Variants in TCTN2 observed in about 807,000 individuals in gnomAD.
TCTN2 encodes tectonic-2.
Under a neutral mutation model 83.4 loss-of-function variants are expected in TCTN2, and 66 were observed. The observed-to-expected ratio is 0.79, with a 90% confidence interval of 0.65 to 0.97. The LOEUF is 0.97. Among genes scored for constraint, TCTN2 ranks in the 50% least tolerant of loss-of-function variants. TCTN2 has a pLI of 0.00. For missense variants in TCTN2, 794 were observed against 858.1 expected, an observed-to-expected ratio of 0.93 and a Z score of 0.93; for synonymous variants, 301 against 326.7, an observed-to-expected ratio of 0.92 and a Z score of 0.85.
chr12:123,700,852 G>C (rs987681213), intron 14 of TCTN2, among the ~76,000 whole-genome samples: 5 of 152,214 alleles, frequency 3.3e-5, no homozygotes, highest in Admixed American at 2.0e-4. Flanking sequence ...GGATGCTGAG[G>C]AAAGAGGATC....
intron 5 of TCTN2, among the ~76,000 whole-genome samples, chr12:123,685,907 AT>A (rs1825437503): frequency 6.9e-6 from 1 of 145,302 alleles, no homozygotes; most frequent in Admixed American, 6.9e-5. Context: ...TTTTTTTTTA[AT>A]TTTGTCGGGG....
chr12:123,696,144 G>A (rs1956105586), intron 11 of TCTN2: 10 of 415,968 alleles, frequency 2.4e-5, no homozygotes, highest in South Asian at 1.9e-4. Flanking sequence ...ACGCCTGGCC[G>A]ACATGGTATT....
chr12:123,683,941 A>G (rs987048194), intron 5 of TCTN2, among the ~76,000 whole-genome samples: 5 of 152,094 alleles, frequency 3.3e-5, no homozygotes, highest in African/African-American at 1.2e-4. Flanking sequence ...ACCTGGCCAC[A>G]ATTTTTGTTC....
chr12:123,680,500 ATTTTCTTTCTT>A (rs986353321), intron 5 of TCTN2, among the ~76,000 whole-genome samples: 17 of 145,072 alleles, frequency 1.2e-4, no homozygotes, highest in Non-Finnish European at 2.3e-4. Context: ...TATAAACTCT[ATTTTCTTTCTT>A]TTTTCTTTCT....
chr12:123,678,181 C>A (rs544902424), intron 4 of TCTN2, among the ~76,000 whole-genome samples: 1 of 152,316 alleles, frequency 6.6e-6, no homozygotes, highest in African/African-American at 2.4e-5. Flanking sequence ...CGTGGTCAGA[C>A]CACATTTGTC....
At chr12:123,697,344 A>G in intron 13 of TCTN2, 146 bp downstream of exon 13, 1 of 714,510 alleles carries the variant, frequency 1.4e-6, no homozygotes, top group Admixed American at 2.1e-5. Context: ...GACATGTAAT[A>G]CAATTTAGAG....
chr12:123,704,720 G>A (rs761483951), intron 15 of TCTN2, 32 bp downstream of exon 15: 23 of 1,612,724 alleles, frequency 1.4e-5, no homozygotes, highest in Admixed American at 3.3e-5. Flanking sequence ...CCGTAGTTTA[G>A]AGAGAGTCAG....
At chr12:123,688,266 A>C in intron 7 of TCTN2, 89 bp downstream of exon 7, 2 of 1,505,342 alleles carry the variant, frequency 1.3e-6, no homozygotes, top group Non-Finnish European at 1.8e-6. Flanking sequence ...TCCTAGGCTC[A>C]AGTGCAGTGC....
chr12:123,698,127 C>T (rs1158945291), intron 13 of TCTN2, among the ~76,000 whole-genome samples: 3 of 152,054 alleles, frequency 2.0e-5, no homozygotes, highest in Admixed American at 6.6e-5. Context: ...ACTGCAGCCT[C>T]TGCCTCCCAG....
chr12:123,698,043 G>T (rs895009062), intron 13 of TCTN2, among the ~76,000 whole-genome samples: 7 of 151,274 alleles, frequency 4.6e-5, no homozygotes, highest in African/African-American at 1.7e-4. Context: ...TTCTGTTTTT[G>T]TTTTTGTTTT....
At chr12:123,678,016 C>A (rs1271729550) in intron 4 of TCTN2, among the ~76,000 whole-genome samples, 1 of 152,176 alleles carries the variant, frequency 6.6e-6, no homozygotes, top group Non-Finnish European at 1.5e-5. Context: ...AGCCACGTGC[C>A]CTCCCTGGGT....
chr12:123,701,510 G>T (rs1956171944), intron 14 of TCTN2, among the ~76,000 whole-genome samples: 1 of 151,998 alleles, frequency 6.6e-6, no homozygotes, highest in Non-Finnish European at 1.5e-5. Context: ...AGGCCGAGGC[G>T]GGTGGATCAC....
Position 123,673,612 on chromosome 12 carries a change from C to T in TCTN2, c.268-3C>T. 2 of 1,614,124 alleles carry T rather than the reference C, an allele frequency of 1.2e-6. No individual in the cohort carries two copies. The highest frequency in any genetic ancestry group is 1.7e-6 in the Non-Finnish European group (2 of 1,179,990). ...TAAAAATACAGCAATGTTTTCCTTT[C>T]AGAAGGTGTTGGAAGTGACAGTGAG... On this transcript the variant is annotated splice_region_variant and splice_polypyrimidine_tract_variant and intron_variant, in intron 3 of 17. Coordinates refer to ENST00000303372, the MANE Select transcript of TCTN2 (RefSeq NM_024809.5).
At chr12:123,672,232 G>A (rs890238134) in intron 3 of TCTN2, 100 bp downstream of exon 3, 2 of 1,062,764 alleles carry the variant, frequency 1.9e-6, no homozygotes, top group African/African-American at 1.6e-5. Flanking sequence ...CTTTCTCCAT[G>A]CTCTCAACAA....
In TCTN2 at chr12:123,688,136, C is replaced by G. The variant is rs762734230; in HGVS notation, c.850C>G (p.Pro284Ala). 6.2e-7 allele frequency: 1 copy of G among 1,613,844 alleles called. No individual in the cohort carries two copies. The highest frequency in any genetic ancestry group is 1.7e-5 in the Admixed American group (1 of 59,992). ...AGACTTTGGTTACAAACAAGGAGAT[C>G]CCATTATGACTGTAAAGAAGGCATA... Reference protein sequence around the residue: ...FADFGYKQGDPIMTVKKAYFT... With the variant: ...FADFGYKQGDAIMTVKKAYFT... Residue 284 changes from proline (P) to alanine (A), a missense_variant, in exon 7 of 18, where the codon CCC (proline) becomes GCC (alanine). Physicochemically the swap from Pro to Ala is conservative, Grantham distance 27 (BLOSUM62 -1). Coordinates refer to ENST00000303372, the MANE Select transcript of TCTN2 (RefSeq NM_024809.5).
chr12:123,692,165 C>T (rs1429707711), intron 8 of TCTN2, among the ~76,000 whole-genome samples: 1 of 152,182 alleles, frequency 6.6e-6, no homozygotes, highest in African/African-American at 2.4e-5. Flanking sequence ...CCCACCTCGG[C>T]CTCCCAGAGT....
chr12:123,700,733 G>A (rs1956163651), intron 14 of TCTN2, among the ~76,000 whole-genome samples: 1 of 152,192 alleles, frequency 6.6e-6, no homozygotes, highest in Non-Finnish European at 1.5e-5. Context: ...GCCAGGCCGA[G>A]GCCAGGAGTT....
chr12:123,672,193 C>A, intron 3 of TCTN2, 61 bp downstream of exon 3: 1 of 1,376,998 alleles, frequency 7.3e-7, no homozygotes, highest in Non-Finnish European at 1.0e-6. Context: ...AGGGTTTCTG[C>A]AGTGCTCTCT....
rs137939978 is a variant in TCTN2, at chr12:123,672,067, A to G, written c.202A>G (p.Ile68Val). 3.1e-4 allele frequency: 493 copies of G among 1,614,096 alleles called. 2 individuals carry two copies. The Middle Eastern group carries it at 4.8e-3, about 16-fold the overall frequency. The change falls in exon 3 of 18, where the codon ATT becomes GTT. Residue 68 changes from isoleucine (I) to valine (V), a missense_variant. Transcript: ENST00000303372. ...TCTTCTTTCTTTAGGAATATTGCCA[A>G]TTCCGACGTGTGGAGTGCTGAACAA... is the stretch of plus-strand genomic sequence containing the variant. ...VLQDEAGILP[I>V]PTCGVLNNET... is the part of the protein sequence containing the mutation.
Sources: gnomAD v4.1 joint callset for allele counts (sites outside exome capture counted in the v4.1 genomes callset) on GRCh38, gnomAD v4.1.1 for gene constraint, MANE v1.5 for transcripts, NCBI Gene and HGNC (gene_info 2026-07-23, HGNC 2026-07-21) for gene names.